SCMH1: variants seen among roughly 807,000 people sequenced by gnomAD.
SCMH1 encodes the protein Scm polycomb group protein homolog 1.
A neutral mutation model predicts 70.8 loss-of-function variants in SCMH1; 37 were observed. The observed-to-expected ratio is 0.52, with a 90% CI of 0.40 to 0.69. The LOEUF (loss-of-function observed/expected upper bound fraction) is 0.69. SCMH1 is among the 30% of genes least tolerant of loss of function. SCMH1 has a pLI of 0.00. For missense variants in SCMH1, 607 were observed against 827.3 expected (o/e 0.73, Z 3.27); for synonymous variants, 292 against 307.4 (o/e 0.95, Z 0.52).
At chr1:41,159,610 C>T in intron 4 of SCMH1, 1 of 1,185,812 alleles carries the variant, frequency 8.4e-7, no homozygotes, top group Non-Finnish European at 1.1e-6. Context: ...TTCAAATTGT[C>T]TGACTCCTAT....
chr1:41,190,525 G>A (rs193063838), intron 1 of SCMH1, among the ~76,000 whole-genome samples: 1 of 152,150 alleles, frequency 6.6e-6, no homozygotes, highest in Non-Finnish European at 1.5e-5. Context: ...ATAACCTATT[G>A]GTGAAGATAC....
intron 6 of SCMH1, among the ~76,000 whole-genome samples, chr1:41,136,382 CTT>C (rs757034374): frequency 7.4e-5 from 9 of 121,938 alleles, no homozygotes; most frequent in African/African-American, 8.4e-5. Flanking sequence ...TTCTTTCTTT[CTT>C]TTTTTTTTTT....
intron 2 of SCMH1, among the ~76,000 whole-genome samples, chr1:41,179,800 T>C (rs1254258768): frequency 1.3e-5 from 2 of 152,200 alleles, no homozygotes; most frequent in African/African-American, 4.8e-5. Context: ...GAGGACCTGG[T>C]ACCATTCCTT....
chr1:41,223,312 G>A (rs553143754), intron 1 of SCMH1, among the ~76,000 whole-genome samples: 3 of 152,288 alleles, frequency 2.0e-5, no homozygotes, highest in East Asian at 1.9e-4. Context: ...ACTGTGCCCA[G>A]GTAATGCAAT....
chr1:41,054,122 G>A (rs896810823), intron 10 of SCMH1, among the ~76,000 whole-genome samples: 1 of 152,146 alleles, frequency 6.6e-6, no homozygotes, highest in Non-Finnish European at 1.5e-5. Context: ...GGGATTACAG[G>A]TGTGAACCAC....
intron 9 of SCMH1, among the ~76,000 whole-genome samples, chr1:41,073,342 C>T (rs1657161977): frequency 6.6e-6 from 1 of 152,138 alleles, no homozygotes; most frequent in African/African-American, 2.4e-5. Flanking sequence ...TGGAGTCCCC[C>T]AGATAAGTTT....
chr1:41,185,259 T>TA (rs1649862594), intron 2 of SCMH1, among the ~76,000 whole-genome samples: 1 of 152,186 alleles, frequency 6.6e-6, no homozygotes, highest in African/African-American at 2.4e-5. Context: ...CACCCTCTCT[T>TA]AGTCTAGAAG....
chr1:41,176,268 G>T (rs1647126583), intron 2 of SCMH1, among the ~76,000 whole-genome samples: 1 of 151,926 alleles, frequency 6.6e-6, no homozygotes, highest in African/African-American at 2.4e-5. Context: ...AAATCCGGGG[G>T]GTGGCACCAA....
chr1:41,068,361 C>T (rs964818516), intron 10 of SCMH1, among the ~76,000 whole-genome samples: 4 of 151,962 alleles, frequency 2.6e-5, no homozygotes, highest in South Asian at 2.1e-4. Flanking sequence ...ACAGGTATGA[C>T]GGGAGTGAAT....
chr1:41,085,478 C>A (rs1661334930), intron 8 of SCMH1, among the ~76,000 whole-genome samples: 1 of 152,106 alleles, frequency 6.6e-6, no homozygotes, highest in Non-Finnish European at 1.5e-5. Context: ...CCTACTAGCT[C>A]CACTAATATT....
chr1:41,101,941 C>T (rs1226667061), intron 8 of SCMH1, among the ~76,000 whole-genome samples: 4 of 152,130 alleles, frequency 2.6e-5, no homozygotes, highest in Admixed American at 2.0e-4. Flanking sequence ...GAATAAAACA[C>T]TAGTGTATAC....
chr1:41,136,460 C>A (rs544526362), intron 6 of SCMH1, among the ~76,000 whole-genome samples: 5 of 151,528 alleles, frequency 3.3e-5, no homozygotes, highest in African/African-American at 1.2e-4. Context: ...TCACTGCAAC[C>A]GCCACCTCCC....
intron 8 of SCMH1, among the ~76,000 whole-genome samples, chr1:41,085,901 C>T (rs1053478367): frequency 5.9e-5 from 8 of 134,516 alleles, no homozygotes; most frequent in East Asian, 2.2e-4. Context: ...AGTGCAGTGG[C>T]GTGAACTCGG....
intron 1 of SCMH1, among the ~76,000 whole-genome samples, chr1:41,192,283 A>G (rs535238901): frequency 6.6e-6 from 1 of 152,122 alleles, no homozygotes; most frequent in African/African-American, 2.4e-5. Context: ...TCCAAGCTTA[A>G]AAGTATTTTT....
chr1:41,065,164 C>G lies in SCMH1; in HGVS notation c.1105+5431G>C, dbSNP rs372186426. 2.5e-4 allele frequency among the ~76,000 whole-genome samples: 38 copies of G among 152,268 alleles called. No homozygotes were observed. In the East Asian group the frequency reaches 7.1e-3, roughly 29 times the overall value. On this transcript the variant is annotated intron_variant, in intron 10 of 14. Transcript: ENST00000337495. Reference sequence around the variant, plus strand: ...GATTGACTGCAATCCTAATCAAAATCCCAGAATTTATTTTGTAGACAGCAA... The same window carrying G: ...GATTGACTGCAATCCTAATCAAAATGCCAGAATTTATTTTGTAGACAGCAA...
chr1:41,140,050 GA>G (rs1471618408), intron 6 of SCMH1, among the ~76,000 whole-genome samples: 1 of 152,074 alleles, frequency 6.6e-6, no homozygotes, highest in Non-Finnish European at 1.5e-5. Flanking sequence ...TAAGGGTAAG[GA>G]AAAAATGCAA....
intron 1 of SCMH1, among the ~76,000 whole-genome samples, chr1:41,198,022 CTAAG>C (rs1653437448): frequency 6.6e-6 from 1 of 152,146 alleles, no homozygotes; most frequent in African/African-American, 2.4e-5. Context: ...GGACAGGTTA[CTAAG>C]TGTCTCTGGA....
intron 5 of SCMH1, among the ~76,000 whole-genome samples, chr1:41,145,071 A>C (rs933757247): frequency 1.3e-5 from 2 of 152,130 alleles, no homozygotes; most frequent in African/African-American, 4.8e-5. Flanking sequence ...TGTGGAAACA[A>C]AAATCTTTTA....
rs575100994 is a variant in SCMH1, at chr1:41,032,872, G to A, written c.1679-4146C>T. 1.9e-3 allele frequency among the ~76,000 whole-genome samples: 292 copies of A among 152,124 alleles called. 2 individuals carry two copies. The highest frequency in any genetic ancestry group is 6.7e-3 in the African/African-American group (279 of 41,472). ...CAGGCACCTGTAATCCCAGCTACTCGGGAGGCTGAGGCAGGAGAATTGCTT... is the reference window on the plus strand; with the variant it reads ...CAGGCACCTGTAATCCCAGCTACTCAGGAGGCTGAGGCAGGAGAATTGCTT... On this transcript the variant is annotated intron_variant, in intron 13 of 14. Transcript: ENST00000337495.
Sources: gnomAD v4.1 joint callset for allele counts (sites outside exome capture counted in the v4.1 genomes callset) on GRCh38, gnomAD v4.1.1 for gene constraint, MANE v1.5 for transcripts, NCBI Gene and HGNC (gene_info 2026-07-23, HGNC 2026-07-21) for gene names.